Variants in CSMD1 observed in about 807,000 individuals in gnomAD.
CSMD1 encodes the protein CUB and Sushi multiple domains 1, also known as CUB and sushi domain-containing protein 1.
CSMD1 carries 213 observed loss-of-function variants against 417.5 expected under a neutral mutation model. The ratio of observed to expected loss-of-function variants is 0.51; its 90% CI spans 0.46 to 0.57. The LOEUF is 0.57. Among genes scored for constraint, CSMD1 ranks in the 20% least tolerant of loss-of-function variants. The probability of loss-of-function intolerance (pLI) is 0.00; values close to 1 mark genes in which losing one functional copy is unlikely to be tolerated. For missense variants in CSMD1, 6,923 were observed against 4,529.7 expected (o/e 1.53, Z -15.17); for synonymous variants, 2,862 against 1,736.8 (o/e 1.65, Z -16.11).
chr8:4,308,737 G>A (rs561827583), intron 3 of CSMD1, among the ~76,000 whole-genome samples: 1 of 152,202 alleles, frequency 6.6e-6, no homozygotes, highest in Non-Finnish European at 1.5e-5. Flanking sequence ...TATCTGAGAT[G>A]TGTAAGACTG....
intron 3 of CSMD1, among the ~76,000 whole-genome samples, chr8:4,068,059 G>T (rs146717742): frequency 1.1e-3 from 162 of 152,066 alleles, no homozygotes; most frequent in African/African-American, 3.6e-3. Flanking sequence ...CCAGCCTGGC[G>T]ACAGAGGGAG....
intron 2 of CSMD1, among the ~76,000 whole-genome samples, chr8:4,513,137 A>T (rs185184151): frequency 2.7e-3 from 409 of 152,342 alleles, no homozygotes; most frequent in African/African-American, 9.5e-3. Context: ...GCTCCAATGT[A>T]AACTATGGGC....
At chr8:4,138,239 G>C (rs1313844419) in intron 3 of CSMD1, among the ~76,000 whole-genome samples, 1 of 134,576 alleles carries the variant, frequency 7.4e-6, no homozygotes, top group East Asian at 2.2e-4. Context: ...GTCTCTAACT[G>C]ATGGGTTTTC....
chr8:4,080,059 C>T (rs1055110124), intron 3 of CSMD1, among the ~76,000 whole-genome samples: 13 of 151,176 alleles, frequency 8.6e-5, no homozygotes, highest in Admixed American at 4.0e-4. Context: ...TAGGAATCTA[C>T]GACTCATCTG....
chr8:4,557,890 G>C (rs897278087), intron 2 of CSMD1, among the ~76,000 whole-genome samples: 2 of 152,156 alleles, frequency 1.3e-5, no homozygotes, highest in Non-Finnish European at 2.9e-5. Flanking sequence ...ACAGTGTAAA[G>C]ATGACGTGTT....
intron 4 of CSMD1, among the ~76,000 whole-genome samples, chr8:4,001,400 C>G (rs1222325176): frequency 6.6e-6 from 1 of 152,130 alleles, no homozygotes; most frequent in Non-Finnish European, 1.5e-5. Context: ...CGATGACCTG[C>G]AGAAGGTGTC....
chr8:3,344,264 C>T (rs2117617118), intron 22 of CSMD1, among the ~76,000 whole-genome samples: 1 of 152,254 alleles, frequency 6.6e-6, no homozygotes, highest in Non-Finnish European at 1.5e-5. Context: ...GTTTAGGACC[C>T]ATGCACTTTC....
At chr8:4,481,054 A>T (rs1302709145) in intron 2 of CSMD1, among the ~76,000 whole-genome samples, 46 of 152,218 alleles carry the variant, frequency 3.0e-4, no homozygotes, top group Admixed American at 3.0e-3. Flanking sequence ...TAGTGACAAG[A>T]TATGAATATA....
intron 5 of CSMD1, among the ~76,000 whole-genome samples, chr8:3,845,045 G>C (rs912042639): frequency 6.6e-6 from 1 of 152,086 alleles, no homozygotes; most frequent in Non-Finnish European, 1.5e-5. Context: ...CACAATAAAG[G>C]TCTCCTGTGA....
At chr8:4,912,138 A>AG (rs1217561141) in intron 1 of CSMD1, among the ~76,000 whole-genome samples, 89 of 131,380 alleles carry the variant, frequency 6.8e-4, no homozygotes, top group Middle Eastern at 3.9e-3. Flanking sequence ...AAAAAAAAAA[A>AG]AAAGAAAGAA....
At chr8:4,722,929 C>G (rs1350713018) in intron 1 of CSMD1, among the ~76,000 whole-genome samples, 1 of 152,140 alleles carries the variant, frequency 6.6e-6, no homozygotes, top group East Asian at 1.9e-4. Flanking sequence ...TCCAGCTGAT[C>G]TTTTCAGATC....
At chr8:4,726,405 C>G (rs899145) in intron 1 of CSMD1, among the ~76,000 whole-genome samples, 3 of 151,918 alleles carry the variant, frequency 2.0e-5, no homozygotes, top group African/African-American at 4.8e-5. Context: ...AGCACTCTAC[C>G]CTTTAGTGTA....
At position 3,446,600 on chromosome 8, in the gene CSMD1, A is replaced by C. The variant is rs544507600; in HGVS notation, c.1561+22112T>G. On this transcript the variant is annotated intron_variant, in intron 12 of 69. Coordinates refer to ENST00000635120, the MANE Select transcript of CSMD1 (RefSeq NM_033225.6). Reference sequence around the variant, plus strand: ...CTCCACGGGTAAACAGATTCTCCTAACAAAGGTTTCACTCTGTGTAGACAA... The same window carrying C: ...CTCCACGGGTAAACAGATTCTCCTACCAAAGGTTTCACTCTGTGTAGACAA... Among the ~76,000 whole-genome samples, 19 of 152,338 alleles carry C rather than the reference A, an allele frequency of 1.2e-4. No individual in the cohort carries two copies. In the South Asian group the frequency reaches 3.9e-3, roughly 32 times the overall value.
At chr8:4,630,843 C>T (rs1802468158) in intron 2 of CSMD1, among the ~76,000 whole-genome samples, 1 of 152,142 alleles carries the variant, frequency 6.6e-6, no homozygotes, top group South Asian at 2.1e-4. Flanking sequence ...CTGCTACTTC[C>T]CTGGAACTAT....
intron 1 of CSMD1, among the ~76,000 whole-genome samples, chr8:4,727,166 G>C (rs1381306420): frequency 6.6e-6 from 1 of 152,104 alleles, no homozygotes; most frequent in Non-Finnish European, 1.5e-5. Context: ...ATCCACCGTA[G>C]GCCAGTAGCT....
At chr8:3,978,457 A>C (rs11987711) in intron 5 of CSMD1, among the ~76,000 whole-genome samples, 1 of 151,894 alleles carries the variant, frequency 6.6e-6, no homozygotes, top group Non-Finnish European at 1.5e-5. Flanking sequence ...CAATACAGGC[A>C]TTATTGTAAG....
At chr8:3,001,113 G>C (rs1383607357) in intron 52 of CSMD1, among the ~76,000 whole-genome samples, 1 of 151,902 alleles carries the variant, frequency 6.6e-6, no homozygotes, top group Non-Finnish European at 1.5e-5. Context: ...CTGAGGAGAT[G>C]GGACTACGCC....
At chr8:4,298,655 G>C (rs887066441) in intron 3 of CSMD1, among the ~76,000 whole-genome samples, 1 of 151,994 alleles carries the variant, frequency 6.6e-6, no homozygotes, top group Non-Finnish European at 1.5e-5. Context: ...TTTTAATACA[G>C]TTCTAAGAAG....
At chr8:3,561,920 C>G (rs7829442) in intron 10 of CSMD1, among the ~76,000 whole-genome samples, 122,239 of 151,972 alleles carry the variant, frequency 0.8, 49,839 homozygotes, top group Middle Eastern at 0.88. Flanking sequence ...TCTGCATAAG[C>G]GAGGGATGCA....
Sources: allele counts gnomAD v4.1 joint callset (sites outside exome capture counted in the v4.1 genomes callset), GRCh38; gene constraint gnomAD v4.1.1; transcripts MANE v1.5; gene names NCBI Gene and HGNC (gene_info 2026-07-23, HGNC 2026-07-21).